LIN7A: variants seen among roughly 807,000 people sequenced by gnomAD.
LIN7A encodes lin-7 cell polarity scaffold A.
In LIN7A, 25 loss-of-function variants were observed where a neutral mutation model predicts 29.8. The ratio of observed to expected loss-of-function variants is 0.84; its 90% CI spans 0.61 to 1.17. The LOEUF is 1.17. LIN7A is among the 50% of genes most tolerant of loss of function. The pLI, the probability that LIN7A is intolerant of heterozygous loss-of-function variation, is 0.00. For synonymous variants in LIN7A, 118 were observed against 107.5 expected, an observed-to-expected ratio of 1.10 and a Z score of -0.60; for missense variants, 239 against 287.0, an observed-to-expected ratio of 0.83 and a Z score of 1.21.
chr12:80,860,860 A>C (rs572886204), intron 2 of LIN7A: 22 of 152,158 alleles, frequency 1.4e-4, no homozygotes, highest in Non-Finnish European at 8.8e-5. Flanking sequence ...CTTTGCATTA[A>C]GTTTCTTTTG....
intron 1 of LIN7A, among the ~76,000 whole-genome samples, chr12:80,933,027 A>T (rs898639887): frequency 2.6e-5 from 4 of 152,194 alleles, no homozygotes; most frequent in Admixed American, 6.5e-5. Flanking sequence ...TACAAGGGTA[A>T]ATGACATGTA....
intron 4 of LIN7A, among the ~76,000 whole-genome samples, chr12:80,816,407 T>C (rs1230268781): frequency 6.8e-6 from 1 of 147,428 alleles, no homozygotes; most frequent in East Asian, 2.1e-4. Context: ...CAAGACTCTG[T>C]CTCAAAAAAA....
chr12:80,811,447 G>A lies in LIN7A; in HGVS notation c.*18C>T. On this transcript the variant is annotated intron_variant, in intron 5 of 5. Transcript: ENST00000552864. Reference sequence around the variant, plus strand: ...TATATATATATATACTCCTTGTATAGAATAAGTCACTTCTCACCTATGACA... The same window carrying A: ...TATATATATATATACTCCTTGTATAAAATAAGTCACTTCTCACCTATGACA... 2.2e-6 allele frequency: 2 copies of A among 903,600 alleles called. No homozygotes were observed. The highest frequency in any genetic ancestry group is 2.5e-4 in the Middle Eastern group (1 of 4,030). The allele number at this position is 903,600 out of a possible 1,614,324, so 56.0% of individuals were successfully genotyped here. A position where few individuals can be genotyped will look rare whatever the true frequency, so the allele number is the denominator to read the frequency against.
chr12:80,866,082 C>T (rs1874122915), intron 2 of LIN7A, among the ~76,000 whole-genome samples: 1 of 152,158 alleles, frequency 6.6e-6, no homozygotes, highest in Non-Finnish European at 1.5e-5. Flanking sequence ...GATAACTAAT[C>T]TTCCTCTCTT....
At chr12:80,888,852 C>T (rs542246960) in intron 2 of LIN7A, among the ~76,000 whole-genome samples, 1 of 152,216 alleles carries the variant, frequency 6.6e-6, no homozygotes, top group Admixed American at 6.5e-5. Flanking sequence ...AATGTTTAGT[C>T]AGTAGGAGGT....
chr12:80,922,249 G>A (rs781741086), intron 1 of LIN7A, among the ~76,000 whole-genome samples: 1 of 152,174 alleles, frequency 6.6e-6, no homozygotes, highest in Non-Finnish European at 1.5e-5. Context: ...CTCAAGGCAT[G>A]TATTTTAATG....
At chr12:80,908,031 C>T (rs1182962254) in intron 1 of LIN7A, among the ~76,000 whole-genome samples, 2 of 151,976 alleles carry the variant, frequency 1.3e-5, no homozygotes, top group Non-Finnish European at 2.9e-5. Flanking sequence ...TGCCTATGAC[C>T]TAAAAGTTGA....
chr12:80,863,046 A>G (rs1324521638), intron 2 of LIN7A, among the ~76,000 whole-genome samples: 1 of 152,212 alleles, frequency 6.6e-6, no homozygotes, highest in Non-Finnish European at 1.5e-5. Context: ...GGCTCTGTAT[A>G]ATTAATTTCA....
chr12:80,840,528 T>C (rs566137155), intron 4 of LIN7A, among the ~76,000 whole-genome samples: 49 of 152,290 alleles, frequency 3.2e-4, no homozygotes, highest in African/African-American at 1.2e-3. Context: ...TACTCTTTCA[T>C]GAGACTGTGT....
intron 4 of LIN7A, chr12:80,832,697 G>T (rs1872426153): frequency 2.3e-6 from 1 of 432,706 alleles, no homozygotes; most frequent in East Asian, 7.2e-5. Context: ...CTACAAACAT[G>T]TTGATGCTAT....
At chr12:80,806,055 G>A (rs1870970769) in intron 5 of LIN7A, among the ~76,000 whole-genome samples, 1 of 151,574 alleles carries the variant, frequency 6.6e-6, no homozygotes, top group African/African-American at 2.4e-5. Flanking sequence ...TGTAGCCTGG[G>A]TGACAGAGAG....
intron 1 of LIN7A, among the ~76,000 whole-genome samples, chr12:80,895,853 G>C (rs1415566888): frequency 6.6e-6 from 1 of 152,188 alleles, no homozygotes; most frequent in Non-Finnish European, 1.5e-5. Flanking sequence ...TGGTGGAGTA[G>C]GAAGAAGGAA....
At chr12:80,844,812 A>G (rs1172582460) in intron 4 of LIN7A, among the ~76,000 whole-genome samples, 1 of 152,190 alleles carries the variant, frequency 6.6e-6, no homozygotes, top group Non-Finnish European at 1.5e-5. Flanking sequence ...TTACTTTAAA[A>G]TGTTACATAT....
intron 4 of LIN7A, among the ~76,000 whole-genome samples, chr12:80,842,910 T>C (rs1192892163): frequency 6.6e-6 from 1 of 152,176 alleles, no homozygotes; most frequent in Non-Finnish European, 1.5e-5. Context: ...GAATGTGTAA[T>C]ACTTTAACCT....
At chr12:80,919,963 G>C (rs974339562) in intron 1 of LIN7A, among the ~76,000 whole-genome samples, 1 of 152,146 alleles carries the variant, frequency 6.6e-6, no homozygotes, top group South Asian at 2.1e-4. Context: ...AGGGCAAAGA[G>C]ACAGAATCTC....
At chr12:80,886,670 T>G (rs17674987) in intron 2 of LIN7A, among the ~76,000 whole-genome samples, 1 of 152,074 alleles carries the variant, frequency 6.6e-6, no homozygotes, top group Non-Finnish European at 1.5e-5. Flanking sequence ...TTTATAAAAA[T>G]GTAAGGTAGA....
intron 4 of LIN7A, chr12:80,842,135 G>A: frequency 7.8e-7 from 1 of 1,282,984 alleles, no homozygotes; most frequent in South Asian, 1.3e-5. Flanking sequence ...GAAGCTAGGA[G>A]GAAAAAATCA....
At chr12:80,805,789 T>C (rs1219398433) in intron 5 of LIN7A, among the ~76,000 whole-genome samples, 2 of 151,946 alleles carry the variant, frequency 1.3e-5, no homozygotes, top group Admixed American at 6.6e-5. Context: ...GGGAGGTAAT[T>C]GAATCATGGT....
chr12:80,807,063 G>GTTTTTTTTTTT (rs71094991), intron 5 of LIN7A, among the ~76,000 whole-genome samples: 4 of 53,592 alleles, frequency 7.5e-5, no homozygotes, highest in Admixed American at 2.2e-4. Context: ...TGAAGATGGA[G>GTTTTTTTTTTT]TTTTTTTTTT....
Sources: allele counts gnomAD v4.1 joint callset (sites outside exome capture counted in the v4.1 genomes callset), GRCh38; gene constraint gnomAD v4.1.1; transcripts MANE v1.5; gene names NCBI Gene and HGNC (gene_info 2026-07-23, HGNC 2026-07-21).